The following KCNJ16 variants were observed in gnomAD, a reference collection of about 807,000 sequenced individuals.
The protein encoded by KCNJ16 is potassium inwardly rectifying channel subfamily J member 16.
KCNJ16 carries 15 observed loss-of-function variants against 18.5 expected under a neutral mutation model. That is an observed-to-expected ratio of 0.81 (90% CI 0.54 to 1.25). KCNJ16 has a LOEUF of 1.25. Ranked by LOEUF, KCNJ16 falls within the 50% of genes most tolerant of loss-of-function variation. The probability of loss-of-function intolerance (pLI) is 0.00; values close to 1 mark genes in which losing one functional copy is unlikely to be tolerated. For synonymous variants in KCNJ16, 174 were observed against 186.5 expected (o/e 0.93, Z 0.55); for missense variants, 523 against 525.7 (o/e 0.99, Z 0.05).
Position 70,134,285 on chromosome 17 carries a change from A to G in KCNJ16, c.*941A>G, listed in dbSNP as rs1047471634. 1 of 165,886 alleles carries G rather than the reference A, an allele frequency of 6.0e-6. No individual in the cohort carries two copies. Among genetic ancestry groups the G allele is most frequent in the African/African-American group, 2.4e-5 (1 of 41,148 alleles). 10.3% of individuals were successfully genotyped at this position (165,886 alleles called of 1,614,324 possible). ...AAGATTGCAACTTTGGCTGCTACAG[A>G]AAGGATAGAACCTTTTTGGGGGGAG... is the stretch of plus-strand genomic sequence containing the variant. On this transcript the variant is annotated 3_prime_UTR_variant, in exon 4 of 4. Coordinates refer to ENST00000392671, the MANE Select transcript of KCNJ16 (RefSeq NM_170741.4).
chr17:70,133,246 G>A lies in KCNJ16; in HGVS notation c.1159G>A (p.Glu387Lys). 1 of 1,614,160 alleles carries A rather than the reference G, an allele frequency of 6.2e-7. No individual in the cohort carries two copies. The highest frequency in any genetic ancestry group is 8.5e-7 in the Non-Finnish European group (1 of 1,180,042). ...VAIVSSCENP[E>K]ETTTSATHEY... The stretch of plus-strand genomic sequence containing the variant: ...CATTGTCAGCAGCTGTGAAAACCCT[G>A]AGGAGACCACCACTTCCGCCACACA... The change falls in exon 4 of 4, where the codon GAG becomes AAG. Residue 387 changes from glutamate to lysine, a missense_variant. Coordinates refer to ENST00000392671, the MANE Select transcript of KCNJ16 (RefSeq NM_170741.4).
At chr17:70,087,065 C>CTTTTTTT (rs142092333) in intron 1 of KCNJ16, among the ~76,000 whole-genome samples, 1 of 140,940 alleles carries the variant, frequency 7.1e-6, no homozygotes, top group Non-Finnish European at 1.5e-5. Flanking sequence ...CACCTAGCTA[C>CTTTTTTT]TTTTTTTTTT....
intron 1 of KCNJ16, among the ~76,000 whole-genome samples, chr17:70,090,198 A>G (rs555463277): frequency 1.3e-5 from 2 of 152,302 alleles, no homozygotes; most frequent in Non-Finnish European, 2.9e-5. Context: ...GATGGTGGTG[A>G]TTTTGTGATT....
chr17:70,077,147 G>A (rs1338629098), intron 1 of KCNJ16, among the ~76,000 whole-genome samples: 2 of 152,230 alleles, frequency 1.3e-5, no homozygotes, highest in Admixed American at 1.3e-4. Flanking sequence ...AGGCCAGTGT[G>A]GCTGAAGCAA....
chr17:70,089,454 G>A (rs2071985792), intron 1 of KCNJ16, among the ~76,000 whole-genome samples: 1 of 152,166 alleles, frequency 6.6e-6, no homozygotes, highest in Admixed American at 6.5e-5. Flanking sequence ...GATTCCTGAA[G>A]TTGAAAAACA....
rs116966026 is a variant in KCNJ16, at chr17:70,124,564, T to G, written c.-190-6315T>G. Among the ~76,000 whole-genome samples the G allele has an allele frequency of 6.8e-3, 1,034 of 152,282 alleles. 9 individuals are homozygous for G. Among genetic ancestry groups the G allele is most frequent in the Non-Finnish European group, 0.012 (850 of 68,016 alleles). On this transcript the variant is annotated intron_variant, in intron 2 of 3. Transcript: ENST00000392671. ...TGAGCTGTGGTCTTTTACAGGAACATCAGATCTCGTGTTATCTGACTTCTT... is the reference window on the plus strand; with the variant it reads ...TGAGCTGTGGTCTTTTACAGGAACAGCAGATCTCGTGTTATCTGACTTCTT...
At position 70,085,928 on chromosome 17, in the gene KCNJ16, G is replaced by A. The variant is rs183046791; in HGVS notation, c.-300+10538G>A. Among the ~76,000 whole-genome samples, 73 of 152,150 alleles carry A rather than the reference G, an allele frequency of 4.8e-4. 1 individual carries two copies. The highest frequency in any genetic ancestry group is 8.4e-4 in the Non-Finnish European group (57 of 67,976). On this transcript the variant is annotated intron_variant, in intron 1 of 3. Coordinates refer to ENST00000392671, the MANE Select transcript of KCNJ16 (RefSeq NM_170741.4). Reference sequence around the variant, plus strand: ...GAGCAAGGATAATACCAAATCTAACGAAAGTAATGTTTTATTGATGGGGGA... The same window carrying A: ...GAGCAAGGATAATACCAAATCTAACAAAAGTAATGTTTTATTGATGGGGGA...
chr17:70,084,218 G>A (rs544388760), intron 1 of KCNJ16, among the ~76,000 whole-genome samples: 28 of 152,304 alleles, frequency 1.8e-4, no homozygotes, highest in African/African-American at 6.7e-4. Context: ...CCCATGGCCT[G>A]AAACTATGAA....
At position 70,133,409 on chromosome 17, in the gene KCNJ16, T is replaced by C; in HGVS notation, c.*65T>C. 7.0e-7 allele frequency: 1 copy of C among 1,429,238 alleles called. No individual in the cohort carries two copies. Among genetic ancestry groups the C allele is most frequent in the Non-Finnish European group, 9.5e-7 (1 of 1,047,252 alleles). 88.5% of individuals were successfully genotyped at this position (1,429,238 alleles called of 1,614,324 possible). On this transcript the variant is annotated 3_prime_UTR_variant, in exon 4 of 4. Coordinates refer to ENST00000392671, the MANE Select transcript of KCNJ16 (RefSeq NM_170741.4). The stretch of plus-strand genomic sequence containing the variant: ...TATCTTTCAGCCAATCAAGTCGTTG[T>C]AAACGTGGCTTTTTTGAAAGTGTTA...
chr17:70,101,550 A>G (rs902854748), intron 2 of KCNJ16: 1 of 151,914 alleles, frequency 6.6e-6, no homozygotes, highest in African/African-American at 2.4e-5. Context: ...CTTAATGCTA[A>G]TATCATTCTT....
chr17:70,088,820 C>T (rs552964805), intron 1 of KCNJ16, among the ~76,000 whole-genome samples: 41 of 152,072 alleles, frequency 2.7e-4, no homozygotes, highest in African/African-American at 9.9e-4. Flanking sequence ...GACCATTATA[C>T]CACAATAGTT....
chr17:70,108,175 GA>G (rs750912056), intron 2 of KCNJ16: 2 of 152,184 alleles, frequency 1.3e-5, no homozygotes, highest in Non-Finnish European at 2.9e-5. Context: ...GCCATGTTTT[GA>G]CTATCTCAGC....
Position 70,130,790 on chromosome 17 carries a change from A to T in KCNJ16, c.-190-89A>T, listed in dbSNP as rs750126699. On this transcript the variant is annotated intron_variant, in intron 2 of 3. Transcript: ENST00000392671. ...TTATAATCCCTTCATCCCATCTAGC[A>T]CAGGTAGACTGTGAAAAACACATAT... 2.5e-5 allele frequency: 16 copies of T among 647,190 alleles called. No homozygotes were observed. In the Admixed American group the frequency reaches 3.4e-4, roughly 14 times the overall value. The allele number at this position is 647,190 out of a possible 1,614,324, so 40.1% of individuals were successfully genotyped here.
chr17:70,112,449 A>G (rs375505618), intron 2 of KCNJ16, among the ~76,000 whole-genome samples: 1 of 151,486 alleles, frequency 6.6e-6, no homozygotes, highest in Non-Finnish European at 1.5e-5. Flanking sequence ...AATGATGTTT[A>G]TAATTCTCAG....
chr17:70,095,543 T>C (rs1444996399), intron 1 of KCNJ16, among the ~76,000 whole-genome samples: 1 of 152,102 alleles, frequency 6.6e-6, no homozygotes, highest in Non-Finnish European at 1.5e-5. Context: ...CTCTTTCTAC[T>C]ATAAAGATTT....
chr17:70,104,057 A>G (rs2072798702), intron 2 of KCNJ16, among the ~76,000 whole-genome samples: 1 of 150,786 alleles, frequency 6.6e-6, no homozygotes, highest in African/African-American at 2.4e-5. Context: ...CCACCTCAGC[A>G]TCCCAGGCGA....
At chr17:70,122,926 C>A (rs1315157538) in intron 2 of KCNJ16, among the ~76,000 whole-genome samples, 1 of 152,176 alleles carries the variant, frequency 6.6e-6, no homozygotes, top group African/African-American at 2.4e-5. Flanking sequence ...GCTTCTGATA[C>A]CTTCTCTGGC....
At position 70,133,130 on chromosome 17, in the gene KCNJ16, A is replaced by G. The variant is rs754617006; in HGVS notation, c.1043A>G (p.Asp348Gly). The part of the protein sequence containing the change: ...FCSAKQLDWK[D>G]QQLHIEKAPP... ...AGTGCCAAGCAATTGGACTGGAAAG[A>G]CCAGCAGCTCCACATAGAAAAAGCA... Residue 348 changes from aspartate to glycine, a missense_variant, in exon 4 of 4, where the codon GAC (aspartate) becomes GGC (glycine). Coordinates refer to ENST00000392671, the MANE Select transcript of KCNJ16 (RefSeq NM_170741.4). 6 of 1,614,212 alleles carry G rather than the reference A, an allele frequency of 3.7e-6. No homozygotes were observed. Among genetic ancestry groups the G allele is most frequent in the Non-Finnish European group, 5.1e-6 (6 of 1,180,044 alleles).
At chr17:70,131,460 A>T in intron 3 of KCNJ16, 1 of 999,100 alleles carries the variant, frequency 1.0e-6, no homozygotes, top group Non-Finnish European at 1.2e-6. Flanking sequence ...TGGAAGAGAG[A>T]GCAAGCACCA....
Sources: gnomAD v4.1 joint callset for allele counts (sites outside exome capture counted in the v4.1 genomes callset) on GRCh38, gnomAD v4.1.1 for gene constraint, MANE v1.5 for transcripts, NCBI Gene and HGNC (gene_info 2026-07-23, HGNC 2026-07-21) for gene names.